Variants in CCDC92B observed in about 807,000 individuals in gnomAD.
The protein encoded by CCDC92B is coiled-coil domain-containing 92B.
In CCDC92B, 2 loss-of-function variants were observed where a neutral mutation model predicts 5.6. The observed-to-expected ratio is 0.36, with a 90% confidence interval of 0.15 to 1.12. The LOEUF is 1.12. CCDC92B is among the 50% of genes most tolerant of loss of function. CCDC92B has a pLI of 0.40. For synonymous variants in CCDC92B, 115 were observed against 122.3 expected (o/e 0.94, Z 0.39); for missense variants, 271 against 262.2 (o/e 1.03, Z -0.23).
intron 1 of CCDC92B, among the ~76,000 whole-genome samples, chr17:2,738,459 A>G (rs963761825): frequency 6.6e-6 from 1 of 151,910 alleles, no homozygotes; most frequent in Non-Finnish European, 1.5e-5. Context: ...GATAGTTGTA[A>G]GGATTAAATG....
intron 2 of CCDC92B, among the ~76,000 whole-genome samples, chr17:2,733,260 C>CT (rs542039561): frequency 0.03 from 4,116 of 137,038 alleles, 214 homozygotes; most frequent in African/African-American, 0.098. Context: ...TTCCTCTTCT[C>CT]TTTTTTTTTT....
chr17:2,734,740 G>A (rs570471770), intron 2 of CCDC92B, among the ~76,000 whole-genome samples: 36 of 151,958 alleles, frequency 2.4e-4, no homozygotes, highest in African/African-American at 7.7e-4. Flanking sequence ...CGCCCGCCTC[G>A]GCCTCCCAAA....
intron 1 of CCDC92B, among the ~76,000 whole-genome samples, chr17:2,739,479 G>A (rs549519784): frequency 6.6e-6 from 1 of 151,584 alleles, no homozygotes; most frequent in South Asian, 2.1e-4. Flanking sequence ...AGGAGATCAA[G>A]ACCATCCTGG....
chr17:2,723,946 G>A lies in CCDC92B; in HGVS notation c.*465C>T. 1.0e-6 allele frequency: 1 copy of A among 983,832 alleles called. No individual in the cohort carries two copies. The highest frequency in any genetic ancestry group is 1.2e-6 in the Non-Finnish European group (1 of 828,960). The allele number at this position is 983,832 out of a possible 1,614,324, so 60.9% of individuals were successfully genotyped here. ...CTCTCCTGGGGAGGAAGAAGGCTTG[G>A]CGGGAAGGGCGTCGGCGCGGGGGTG... On this transcript the variant is annotated 3_prime_UTR_variant, in exon 4 of 4. Transcript: ENST00000614400.
intron 1 of CCDC92B, among the ~76,000 whole-genome samples, chr17:2,742,258 T>C (rs972255072): frequency 1.3e-5 from 2 of 151,998 alleles, no homozygotes; most frequent in Non-Finnish European, 2.9e-5. Flanking sequence ...TTTGTAGAGA[T>C]GGGGTCTCAC....
intron 2 of CCDC92B, among the ~76,000 whole-genome samples, chr17:2,733,744 CTTTTTTTTTTTTTTTT>C (rs386385447): frequency 2.0e-5 from 1 of 49,306 alleles, no homozygotes; most frequent in Non-Finnish European, 3.4e-5. Flanking sequence ...GGACCACTGG[CTTTTTTTTTTTTTTTT>C]TTTTTTTTTT....
chr17:2,745,683 G>A (rs1464685427), intron 1 of CCDC92B, among the ~76,000 whole-genome samples: 1 of 152,162 alleles, frequency 6.6e-6, no homozygotes, highest in African/African-American at 2.4e-5. Flanking sequence ...GAAAACGTCC[G>A]ATTTTCCCAT....
At chr17:2,748,457 T>C (rs1036511169) in intron 1 of CCDC92B, 2 of 958,234 alleles carry the variant, frequency 2.1e-6, no homozygotes, top group Middle Eastern at 5.3e-4. Flanking sequence ...TGTGCACGCA[T>C]GCCTGCACGC....
rs1190924490 is a variant in CCDC92B at position 2,723,987 on chromosome 17, G to A, written c.*424C>T. ...CGCGGGGGTGGGGGAGGCGGGGGGTGGGGAGCTAGAGGGCCTGGGGCGCCA... is the reference window on the plus strand; with the variant it reads ...CGCGGGGGTGGGGGAGGCGGGGGGTAGGGAGCTAGAGGGCCTGGGGCGCCA... On this transcript the variant is annotated 3_prime_UTR_variant, in exon 4 of 4. Coordinates refer to ENST00000614400, the MANE Select transcript of CCDC92B (RefSeq NM_001355573.2). 6.2e-6 allele frequency: 6 copies of A among 967,168 alleles called. No individual in the cohort carries two copies. Among genetic ancestry groups the A allele is most frequent in the Non-Finnish European group, 7.4e-6 (6 of 814,700 alleles). The allele number at this position is 967,168 out of a possible 1,614,324, so 59.9% of individuals were successfully genotyped here. A position where few individuals can be genotyped will look rare whatever the true frequency, so the allele number is the denominator to read the frequency against.
At chr17:2,736,883 A>AAAAT (rs71377535) in intron 1 of CCDC92B, among the ~76,000 whole-genome samples, 25,075 of 145,822 alleles carry the variant, frequency 0.17, 3,046 homozygotes, top group East Asian at 0.35. Flanking sequence ...TCTGTCTCAA[A>AAAAT]AAATAAATAA....
chr17:2,745,989 T>C (rs1239500599), intron 1 of CCDC92B, among the ~76,000 whole-genome samples: 1 of 152,094 alleles, frequency 6.6e-6, no homozygotes, highest in Non-Finnish European at 1.5e-5. Context: ...TCCTTCTTTT[T>C]TTTCCCCCCG....
chr17:2,721,226 T>G lies in CCDC92B; in HGVS notation c.*3185A>C, dbSNP rs1227691262. 1 of 152,294 alleles carries G rather than the reference T, an allele frequency of 6.6e-6. No homozygotes were observed. Among genetic ancestry groups the G allele is most frequent in the Non-Finnish European group, 1.5e-5 (1 of 68,104 alleles). 9.4% of individuals were successfully genotyped at this position (152,294 alleles called of 1,614,324 possible). A position where few individuals can be genotyped will look rare whatever the true frequency, so the allele number is the denominator to read the frequency against. ...AGGGGTACAGAGCCTCAAACCGCAC[T>G]GCCCAGTGCTCCCTGGCTGATTTCC... On this transcript the variant is annotated 3_prime_UTR_variant, in exon 4 of 4. Transcript: ENST00000614400.
chr17:2,732,510 A>T (rs186578418), intron 2 of CCDC92B, among the ~76,000 whole-genome samples: 1 of 152,140 alleles, frequency 6.6e-6, no homozygotes, highest in East Asian at 1.9e-4. Context: ...TGAGGTCAGG[A>T]GTTTGAGACC....
Position 2,723,977 on chromosome 17 carries a change from G to C in CCDC92B, c.*434C>G. On this transcript the variant is annotated 3_prime_UTR_variant, in exon 4 of 4. Transcript: ENST00000614400. ...AGGGCGTCGGCGCGGGGGTGGGGGAGGCGGGGGGTGGGGAGCTAGAGGGCC... is the reference window on the plus strand; with the variant it reads ...AGGGCGTCGGCGCGGGGGTGGGGGACGCGGGGGGTGGGGAGCTAGAGGGCC... 1 of 952,364 alleles carries C rather than the reference G, an allele frequency of 1.1e-6. No individual in the cohort carries two copies. The highest frequency in any genetic ancestry group is 1.2e-6 in the Non-Finnish European group (1 of 801,518). 59.0% of individuals were successfully genotyped at this position (952,364 alleles called of 1,614,324 possible).
chr17:2,725,159 A>T (rs2070712395), intron 3 of CCDC92B, among the ~76,000 whole-genome samples, 159 bp from the exon 4 acceptor site: 1 of 152,098 alleles, frequency 6.6e-6, no homozygotes, highest in Non-Finnish European at 1.5e-5. Flanking sequence ...GATGGACTTG[A>T]GGTCAGGAGT....
chr17:2,745,779 G>C lies in CCDC92B; in HGVS notation c.-24+3632C>G, dbSNP rs542326269. Among the ~76,000 whole-genome samples the C allele has an allele frequency of 4.4e-4, 67 of 152,232 alleles. 1 individual carries two copies. The highest frequency in any genetic ancestry group is 1.5e-3 in the African/African-American group (61 of 41,544). On this transcript the variant is annotated intron_variant, in intron 1 of 3. Coordinates refer to ENST00000614400, the MANE Select transcript of CCDC92B (RefSeq NM_001355573.2). The stretch of plus-strand genomic sequence containing the variant: ...GCCAGTAACAGTAGCTGAAGGGCTG[G>C]AGCTGTCAGCTCCATCTTTCCCCCC...
chr17:2,724,033 C>A lies in CCDC92B; in HGVS notation c.*378G>T. 1.0e-6 allele frequency: 1 copy of A among 984,998 alleles called. No individual in the cohort carries two copies. Among genetic ancestry groups the A allele is most frequent in the Non-Finnish European group, 1.2e-6 (1 of 829,654 alleles). The allele number at this position is 984,998 out of a possible 1,614,324, so 61.0% of individuals were successfully genotyped here. ...CGCCAATGCCACTCTGCGTCCCTTT[C>A]CGTAGGCGAGCCCAGCCCTCCCCAC... On this transcript the variant is annotated 3_prime_UTR_variant, in exon 4 of 4. Coordinates refer to ENST00000614400, the MANE Select transcript of CCDC92B (RefSeq NM_001355573.2). This position sits in a 1 kb window ranked among gnomAD's most constrained non-coding sequence, Gnocchi z 5.0.
intron 3 of CCDC92B, among the ~76,000 whole-genome samples, chr17:2,726,261 T>C (rs1045012658): frequency 3.3e-5 from 5 of 151,356 alleles, no homozygotes; most frequent in African/African-American, 1.2e-4. Context: ...CACTGCAAGC[T>C]CCACCTCCCG....
In CCDC92B at chr17:2,747,824, AG is replaced by A. The variant is rs2071005001; in HGVS notation, c.-24+1586del. On this transcript the variant is annotated intron_variant, in intron 1 of 3. Coordinates refer to ENST00000614400, the MANE Select transcript of CCDC92B (RefSeq NM_001355573.2). The stretch of plus-strand genomic sequence containing the variant: ...GGGGCAGTCGGAAAGCAGGAACTCA[AG>A]AAGCCTTTCTTGGACATGGCATCAA... 3.3e-5 allele frequency among the ~76,000 whole-genome samples: 5 copies of A among 152,342 alleles called. 1 individual carries two copies. In the South Asian group the frequency reaches 1.0e-3, roughly 32 times the overall value.
Sources: allele counts gnomAD v4.1 joint callset (sites outside exome capture counted in the v4.1 genomes callset), GRCh38; gene constraint gnomAD v4.1.1; non-coding constraint Gnocchi (gnomAD v3.1); transcripts MANE v1.5; gene names NCBI Gene and HGNC (gene_info 2026-07-23, HGNC 2026-07-21).